XKR6: variants seen among roughly 807,000 people sequenced by gnomAD.
XKR6 encodes XK related 6.
In XKR6, 22 loss-of-function variants were observed where a neutral mutation model predicts 56.7. That is an observed-to-expected ratio of 0.39 (90% CI 0.28 to 0.55). XKR6 has a LOEUF of 0.55. Ranked by LOEUF, XKR6 falls within the 20% of genes least tolerant of loss-of-function variation. The pLI, the probability that XKR6 is intolerant of heterozygous loss-of-function variation, is 0.66. For synonymous variants in XKR6, 524 were observed against 387.8 expected (o/e 1.35, Z -4.13); for missense variants, 852 against 889.0 (o/e 0.96, Z 0.53).
chr8:11,143,877 G>A (rs1800838496), intron 1 of XKR6, among the ~76,000 whole-genome samples: 1 of 152,182 alleles, frequency 6.6e-6, no homozygotes, highest in Admixed American at 6.5e-5. Context: ...AGTTCTGGAG[G>A]CTGGAAGTGC....
chr8:11,183,012 C>A (rs1459887343), intron 1 of XKR6, among the ~76,000 whole-genome samples: 1 of 152,154 alleles, frequency 6.6e-6, no homozygotes, highest in Non-Finnish European at 1.5e-5. Flanking sequence ...AGAATGTCCT[C>A]CAGGTTCATC....
chr8:10,968,863 C>T (rs1312425428), intron 1 of XKR6, among the ~76,000 whole-genome samples: 1 of 152,258 alleles, frequency 6.6e-6, no homozygotes, highest in Non-Finnish European at 1.5e-5. Flanking sequence ...CACCTGCCCG[C>T]TCTGAACAGC....
At chr8:11,176,959 G>A (rs1219581117) in intron 1 of XKR6, among the ~76,000 whole-genome samples, 3 of 152,206 alleles carry the variant, frequency 2.0e-5, no homozygotes, top group African/African-American at 7.2e-5. Flanking sequence ...GTGGGGAGGA[G>A]AGGGCAAACA....
At chr8:11,140,127 A>AT (rs1488641565) in intron 1 of XKR6, among the ~76,000 whole-genome samples, 1 of 151,924 alleles carries the variant, frequency 6.6e-6, no homozygotes, top group Non-Finnish European at 1.5e-5. Flanking sequence ...AAATTTTTTA[A>AT]TTAAAAAAAA....
intron 1 of XKR6, among the ~76,000 whole-genome samples, chr8:11,021,205 C>T (rs1798742411): frequency 6.6e-6 from 1 of 152,172 alleles, no homozygotes; most frequent in Non-Finnish European, 1.5e-5. Context: ...CAGCCTCTTA[C>T]AGGAAGGCAC....
intron 1 of XKR6, among the ~76,000 whole-genome samples, chr8:11,082,175 G>A (rs1056650322): frequency 6.6e-6 from 1 of 152,170 alleles, no homozygotes; most frequent in African/African-American, 2.4e-5. Flanking sequence ...TTTCTGCTCT[G>A]TACATAGAAA....
intron 1 of XKR6, among the ~76,000 whole-genome samples, chr8:11,195,958 G>GAA (rs5889362): frequency 7.8e-6 from 1 of 128,994 alleles, no homozygotes. Context: ...TGGATAAAAT[G>GAA]AAAAAAAAAA....
At position 11,107,366 on chromosome 8, in the gene XKR6, A is replaced by AT. The variant is rs543832920; in HGVS notation, c.764+93209dup. ...AAGTGCACACCACCATGCCCAGCTG[A>AT]TTTTTTTTATTTTTTGTAGAGACAG... is the stretch of plus-strand genomic sequence containing the variant. On this transcript the variant is annotated intron_variant, in intron 1 of 2. Coordinates refer to ENST00000416569, the MANE Select transcript of XKR6 (RefSeq NM_173683.4). Among the ~76,000 whole-genome samples, 10 of 151,828 alleles carry AT rather than the reference A, an allele frequency of 6.6e-5. No individual in the cohort carries two copies. In the East Asian group the frequency reaches 7.8e-4, roughly 12 times the overall value.
chr8:10,928,593 T>C (rs927870785), intron 1 of XKR6, among the ~76,000 whole-genome samples: 1 of 152,102 alleles, frequency 6.6e-6, no homozygotes, highest in Non-Finnish European at 1.5e-5. Context: ...AGAAGCGGCC[T>C]CGACCCGCGG....
At chr8:10,996,974 A>G (rs1042883410) in intron 1 of XKR6, among the ~76,000 whole-genome samples, 5 of 152,148 alleles carry the variant, frequency 3.3e-5, no homozygotes, top group Non-Finnish European at 5.9e-5. Flanking sequence ...GCGTTTATTT[A>G]AAAAATAAAA....
At chr8:11,169,497 C>T (rs1802255835) in intron 1 of XKR6, among the ~76,000 whole-genome samples, 1 of 152,120 alleles carries the variant, frequency 6.6e-6, no homozygotes, top group Non-Finnish European at 1.5e-5. Context: ...CCATGGACAC[C>T]TTGAAAACAT....
At chr8:11,027,235 T>C (rs1464586630) in intron 1 of XKR6, among the ~76,000 whole-genome samples, 1 of 152,208 alleles carries the variant, frequency 6.6e-6, no homozygotes. Context: ...TAAAATATGG[T>C]ATTATCATCT....
chr8:10,957,728 T>TG (rs1801936039), intron 1 of XKR6, among the ~76,000 whole-genome samples: 1 of 152,066 alleles, frequency 6.6e-6, no homozygotes, highest in African/African-American at 2.4e-5. Flanking sequence ...GGCTCACCAA[T>TG]GGGGGACCTC....
intron 1 of XKR6, among the ~76,000 whole-genome samples, chr8:11,102,323 T>C (rs756396942): frequency 2.6e-5 from 4 of 152,214 alleles, no homozygotes; most frequent in Non-Finnish European, 4.4e-5. Context: ...GGCAACTCCA[T>C]GCTTTGTGTC....
At chr8:11,197,044 A>T (rs961777689) in intron 1 of XKR6, among the ~76,000 whole-genome samples, 1 of 152,210 alleles carries the variant, frequency 6.6e-6, no homozygotes, top group African/African-American at 2.4e-5. Flanking sequence ...AGAGCTGTAG[A>T]CCGCTCAACT....
rs538505683 is a variant in XKR6, at chr8:11,125,075, C to G, written c.764+75501G>C. Among the ~76,000 whole-genome samples, 52 of 126,318 alleles carry G rather than the reference C, an allele frequency of 4.1e-4. No individual in the cohort carries two copies. In the South Asian group the frequency reaches 0.013, roughly 32 times the overall value. 82.9% of individuals were successfully genotyped at this position (126,318 alleles called of 152,430 possible). On this transcript the variant is annotated intron_variant, in intron 1 of 2. Transcript: ENST00000416569. ...CTGCACTCCAGCATGGGCAACAGAG[C>G]AAGACTCTGTCTCAAAAAAAAAAAA...
At chr8:11,028,329 G>C (rs1195237257) in intron 1 of XKR6, among the ~76,000 whole-genome samples, 1 of 152,162 alleles carries the variant, frequency 6.6e-6, no homozygotes, top group Non-Finnish European at 1.5e-5. Context: ...CGTTTGCATG[G>C]ATCACAGTTT....
intron 1 of XKR6, among the ~76,000 whole-genome samples, chr8:11,074,961 T>C (rs540171693): frequency 3.1e-4 from 47 of 152,130 alleles, no homozygotes; most frequent in Non-Finnish European, 4.7e-4. Flanking sequence ...AGTGTCCCCA[T>C]GGGGCAGCAG....
intron 1 of XKR6, chr8:11,124,132 A>C (rs1799630353): frequency 2.5e-6 from 1 of 392,778 alleles, no homozygotes; most frequent in Non-Finnish European, 5.1e-6. Context: ...CCCTACTAGA[A>C]TGATTCTAAT....
Sources: allele counts gnomAD v4.1 joint callset (sites outside exome capture counted in the v4.1 genomes callset), GRCh38; gene constraint gnomAD v4.1.1; transcripts MANE v1.5; gene names NCBI Gene and HGNC (gene_info 2026-07-23, HGNC 2026-07-21).